Variants in REG3A observed in about 807,000 individuals in gnomAD.
The protein encoded by REG3A is regenerating islet-derived protein 3-alpha.
REG3A carries 15 observed loss-of-function variants against 20.5 expected under a neutral mutation model. The observed-to-expected ratio is 0.73, with a 90% CI of 0.49 to 1.12. The LOEUF is 1.12. REG3A is among the 50% of genes most tolerant of loss of function. REG3A has a pLI of 0.00. For synonymous variants in REG3A, 93 were observed against 83.2 expected (o/e 1.12, Z -0.64); for missense variants, 224 against 213.1 (o/e 1.05, Z -0.32).
intron 4 of REG3A, 116 bp downstream of exon 4, chr2:79,158,210 A>C: frequency 8.1e-7 from 1 of 1,239,334 alleles, no homozygotes; most frequent in South Asian, 1.5e-5. Context: ...TATTCCCCAG[A>C]ATCTGAGCTC....
Position 79,158,402 on chromosome 2 carries a change from G to A in REG3A, c.257C>T (p.Ser86Phe). 6.2e-7 allele frequency: 1 copy of A among 1,614,154 alleles called. No individual in the cohort carries two copies. ...LVSVLSGAEG[S>F]FVSSLVKSIG... ...GCTCTTCACCAGGGAGGACACGAAG[G>A]ATCCCTCAGCCCCACTGAGCACAGA... The change falls in exon 4 of 6, where the codon TCC (serine) becomes TTC (phenylalanine). Residue 86 changes from serine (S) to phenylalanine (F), a missense_variant. Transcript: ENST00000305165.
In REG3A at chr2:79,159,400, C is replaced by A. The variant is rs143355005; in HGVS notation, c.6G>T (p.Leu2=). The A allele has an allele frequency of 7.1e-4, 1,151 of 1,613,848 alleles. 1 individual carries two copies. Among genetic ancestry groups the A allele is most frequent in the Non-Finnish European group, 9.0e-4 (1,057 of 1,179,950 alleles). The change falls in exon 2 of 6, where the codon CTG becomes CTT. Residue 2 remains leucine, a synonymous_variant. Transcript: ENST00000305165. ...ATACACTGGGCAGGGCCATGGGAGG[C>A]AGCATAGTGTCTGCGACTTGAGGAG... M[L]PPMALPSVSW... is the part of the protein sequence containing the mutation.
intron 4 of REG3A, 37 bp from the exon 5 acceptor site, chr2:79,157,735 G>A (rs1673348097): frequency 6.2e-7 from 1 of 1,600,136 alleles, no homozygotes; most frequent in South Asian, 1.1e-5. Flanking sequence ...GAAGGGAATG[G>A]CCATTGCAGC....
chr2:79,158,495 C>G (rs773468294), intron 3 of REG3A, 32 bp from the exon 4 acceptor site: 1 of 1,612,976 alleles, frequency 6.2e-7, no homozygotes, highest in Non-Finnish European at 8.5e-7. Context: ...TGAGAGGGAG[C>G]CTGAGACCTG....
Position 79,159,346 on chromosome 2 carries a change from C to G in REG3A, c.60G>C (p.Leu20=). 1.2e-6 allele frequency: 2 copies of G among 1,613,898 alleles called. No individual in the cohort carries two copies. The highest frequency in any genetic ancestry group is 1.7e-6 in the Non-Finnish European group (2 of 1,179,954). The part of the protein sequence containing the change: ...VSWMLLSCLM[L]LSQVQGEEPQ... ...CAATCTCACCTTGAACCTGAGACAG[C>G]AGCATGAGGCAGGAAAGCAGCATCC... Residue 20 remains leucine (L), a synonymous_variant, in exon 2 of 6, where the codon CTG becomes CTC. Transcript: ENST00000305165.
chr2:79,159,445 G>T lies in REG3A; in HGVS notation c.-34-6C>A. The T allele has an allele frequency of 6.2e-7, 1 of 1,603,784 alleles. No individual in the cohort carries two copies. The highest frequency in any genetic ancestry group is 1.1e-5 in the South Asian group (1 of 90,826). On this transcript the variant is annotated splice_region_variant and splice_polypyrimidine_tract_variant and intron_variant, in intron 1 of 5. Transcript: ENST00000305165. ...GAGGAGGCAATCAGGAGTCACTAAA[G>T]AAAGCGTGGTCAGTGGGAGAACACA...
At chr2:79,157,465 A>G in intron 5 of REG3A, 107 bp downstream of exon 5, 12 of 1,512,462 alleles carry the variant, frequency 7.9e-6, no homozygotes, top group Non-Finnish European at 1.0e-5. Flanking sequence ...AAGAGAAGAC[A>G]CACTAACATT....
intron 3 of REG3A, 49 bp from the exon 4 acceptor site, chr2:79,158,512 G>C: frequency 6.2e-7 from 1 of 1,611,698 alleles, no homozygotes; most frequent in Non-Finnish European, 8.5e-7. Flanking sequence ...CCTGCTGAGG[G>C]AGGGCAGGGC....
In REG3A at chr2:79,157,200, C is replaced by T. The variant is rs368313335; in HGVS notation, c.*26G>A. ...TGCCCATGATGAGTTGCACACCAAACACAGGCTGCTGACTTCCCTCCTGCA... is the reference window on the plus strand; with the variant it reads ...TGCCCATGATGAGTTGCACACCAAATACAGGCTGCTGACTTCCCTCCTGCA... On this transcript the variant is annotated 3_prime_UTR_variant, in exon 6 of 6. Transcript: ENST00000305165. 55 of 1,599,032 alleles carry T rather than the reference C, an allele frequency of 3.4e-5. No individual in the cohort carries two copies. The highest frequency in any genetic ancestry group is 3.0e-4 in the African/African-American group (22 of 74,574).
intron 1 of REG3A, 136 bp downstream of exon 1, chr2:79,159,592 C>T: frequency 1.6e-6 from 1 of 608,238 alleles, no homozygotes; most frequent in Middle Eastern, 4.2e-4. Context: ...CTCTCCCATC[C>T]CCGAGCCCTC....
chr2:79,159,589 A>T (rs1007602256), intron 1 of REG3A, 139 bp downstream of exon 1: 3 of 619,390 alleles, frequency 4.8e-6, no homozygotes, highest in Non-Finnish European at 8.5e-6. Flanking sequence ...GTACTCTCCC[A>T]TCCCCGAGCC....
At chr2:79,158,988 C>T (rs1673384734) in intron 2 of REG3A, 1 of 588,766 alleles carries the variant, frequency 1.7e-6, no homozygotes, top group Admixed American at 3.0e-5. Flanking sequence ...TTCAACCATT[C>T]AATACTCTCC....
chr2:79,159,694 C>T, intron 1 of REG3A, 34 bp downstream of exon 1: 1 of 363,426 alleles, frequency 2.8e-6, no homozygotes, highest in Non-Finnish European at 5.2e-6. Flanking sequence ...AGTAGCTCCT[C>T]CCTGGGTCTC....
Position 79,157,629 on chromosome 2 carries a change from T to C in REG3A, c.403A>G (p.Arg135Gly). ...GGGCTTGAGATGGTGGAGGGATTTC[T>C]CTCCCATGCAAAGTAATTCATCACA... ...SDVMNYFAWE[R>G]NPSTISSPGH... Residue 135 changes from arginine to glycine, a missense_variant, in exon 5 of 6, where the codon AGA becomes GGA. By Grantham distance (125) the Arg-to-Gly change is moderately radical (BLOSUM62 -2). Coordinates refer to ENST00000305165, the MANE Select transcript of REG3A (RefSeq NM_002580.3). The C allele has an allele frequency of 6.2e-7, 1 of 1,614,154 alleles. No homozygotes were observed. Among genetic ancestry groups the C allele is most frequent in the South Asian group, 1.1e-5 (1 of 91,082 alleles).
At position 79,158,305 on chromosome 2, in the gene REG3A, G is replaced by C. The variant is rs1673361139; in HGVS notation, c.333+21C>G. The C allele has an allele frequency of 6.2e-6, 10 of 1,610,392 alleles. No individual in the cohort carries two copies. The East Asian group carries it at 2.2e-4, about 36-fold the overall frequency. ...CAATAGCACCTTGAGAGGTAACAGAGAGGGGAGGATATACTGGCACCTGTG... is the reference window on the plus strand; with the variant it reads ...CAATAGCACCTTGAGAGGTAACAGACAGGGGAGGATATACTGGCACCTGTG... On this transcript the variant is annotated intron_variant, in intron 4 of 5. Transcript: ENST00000305165.
Position 79,157,276 on chromosome 2 carries a change from C to CTTTCCACCTCAGAAATGCTGGAGAG in REG3A, c.461-8_477dup (p.Asp160LeufsTer11), listed in dbSNP as rs1276764748. The CTTTCCACCTCAGAAATGCTGGAGAG allele has an allele frequency of 6.2e-7, 1 of 1,613,802 alleles. No individual in the cohort carries two copies. Among genetic ancestry groups the CTTTCCACCTCAGAAATGCTGGAGAG allele is most frequent in the African/African-American group, 1.3e-5 (1 of 74,902 alleles). On this transcript the variant is annotated frameshift_variant, in exon 6 of 6. Coordinates refer to ENST00000305165, the MANE Select transcript of REG3A (RefSeq NM_002580.3). LOFTEE classifies it low-confidence loss of function (END_TRUNC). ...GGTAACCTCACATTACAGTTATAAT[C>CTTTCCACCTCAGAAATGCTGGAGAG]TTTCCACCTCAGAAATGCTGGAGAG... is the stretch of plus-strand genomic sequence containing the variant.
At position 79,159,039 on chromosome 2, in the gene REG3A, T is replaced by C. The variant is rs1002753001; in HGVS notation, c.77-270A>G. On this transcript the variant is annotated intron_variant, in intron 2 of 5. Coordinates refer to ENST00000305165, the MANE Select transcript of REG3A (RefSeq NM_002580.3). ...TCTACATTGGGTCCTCCAATCATTG[T>C]CCCTCCCCACATCTCATTACTGACC... 1.6e-5 allele frequency: 9 copies of C among 577,174 alleles called. No individual in the cohort carries two copies. In the African/African-American group the frequency reaches 1.7e-4, roughly 11 times the overall value. The allele number at this position is 577,174 out of a possible 1,614,324, so 35.8% of individuals were successfully genotyped here.
chr2:79,157,533 T>C, intron 5 of REG3A, 39 bp downstream of exon 5: 9 of 1,607,108 alleles, frequency 5.6e-6, no homozygotes, highest in Non-Finnish European at 6.8e-6. Context: ...GGGGATGAGA[T>C]GGAAAACACT....
chr2:79,158,830 C>A, intron 2 of REG3A, 61 bp from the exon 3 acceptor site: 21 of 1,330,038 alleles, frequency 1.6e-5, no homozygotes, highest in Non-Finnish European at 2.1e-5. Context: ...TGGGAGATGA[C>A]CTTGGGGAAT....
Sources: allele counts gnomAD v4.1 joint callset, GRCh38; gene constraint gnomAD v4.1.1; transcripts MANE v1.5; gene names NCBI Gene and HGNC (gene_info 2026-07-23, HGNC 2026-07-21).